ZZZ3: variants seen among roughly 807,000 people sequenced by gnomAD.
ZZZ3 encodes ZZ-type zinc finger-containing protein 3.
A neutral mutation model predicts 95.2 loss-of-function variants in ZZZ3; 22 were observed. The observed-to-expected ratio is 0.23, with a 90% confidence interval of 0.17 to 0.33. The LOEUF (loss-of-function observed/expected upper bound fraction) is 0.33. ZZZ3 is among the 10% of genes least tolerant of loss of function. ZZZ3 has a pLI of 1.00. For synonymous variants in ZZZ3, 335 were observed against 358.9 expected (o/e 0.93, Z 0.75); for missense variants, 885 against 1,066.5 (o/e 0.83, Z 2.37).
intron 5 of ZZZ3, among the ~76,000 whole-genome samples, chr1:77,622,779 G>A (rs1388469451): frequency 6.6e-6 from 1 of 151,984 alleles, no homozygotes; most frequent in Non-Finnish European, 1.5e-5. Flanking sequence ...ACTAAAACAA[G>A]TAGGTAGAAG....
intron 5 of ZZZ3, among the ~76,000 whole-genome samples, chr1:77,599,210 C>T (rs1230149441): frequency 6.6e-6 from 1 of 151,922 alleles, no homozygotes; most frequent in East Asian, 1.9e-4. Flanking sequence ...TTTAAAATCA[C>T]AAGACAAAAT....
At chr1:77,582,982 G>A (rs1662681482) in intron 6 of ZZZ3, among the ~76,000 whole-genome samples, 2 of 152,018 alleles carry the variant, frequency 1.3e-5, no homozygotes, top group African/African-American at 4.8e-5. Flanking sequence ...CAGTGCATTT[G>A]CAGTCCCAGA....
intron 11 of ZZZ3, 104 bp from the exon 12 acceptor site, chr1:77,576,324 TTCACTCTATCCTTTAGCATAC>T (rs1214865894): frequency 5.3e-6 from 5 of 938,440 alleles, no homozygotes; most frequent in Non-Finnish European, 7.8e-6. Flanking sequence ...TCAGAAGAAT[TTCACTCTATCCTTTAGCATAC>T]TCTTATGTTG....
intron 5 of ZZZ3, among the ~76,000 whole-genome samples, chr1:77,618,476 C>CA (rs1277683838): frequency 2.6e-5 from 4 of 151,690 alleles, no homozygotes; most frequent in Admixed American, 2.0e-4. Context: ...AGAAAGTGTG[C>CA]AAAAAACATT....
At chr1:77,654,795 A>C (rs1328860451) in intron 1 of ZZZ3, among the ~76,000 whole-genome samples, 1 of 152,114 alleles carries the variant, frequency 6.6e-6, no homozygotes, top group African/African-American at 2.4e-5. Context: ...AAATTGGGTA[A>C]TTTGTGGAAA....
intron 1 of ZZZ3, among the ~76,000 whole-genome samples, chr1:77,647,187 TG>T (rs1204353384): frequency 1.3e-5 from 2 of 152,166 alleles, no homozygotes; most frequent in Admixed American, 6.5e-5. Flanking sequence ...AAAAAATACA[TG>T]GCAACACATT....
At chr1:77,659,935 C>T (rs556824637) in intron 1 of ZZZ3, among the ~76,000 whole-genome samples, 26 of 152,090 alleles carry the variant, frequency 1.7e-4, no homozygotes, top group African/African-American at 5.1e-4. Context: ...TGGGCTCAAG[C>T]GATACTCCTG....
chr1:77,607,423 A>C lies in ZZZ3; in HGVS notation c.1506-22768T>G, dbSNP rs574490455. On this transcript the variant is annotated intron_variant, in intron 5 of 14. Coordinates refer to ENST00000370801, the MANE Select transcript of ZZZ3 (RefSeq NM_015534.6). ...AGCCAAACCATATCAAACTGTTTTG[A>C]GGAAACTCAGAGAAATTCAAGATAT... 1.2e-4 allele frequency among the ~76,000 whole-genome samples: 19 copies of C among 152,356 alleles called. No individual in the cohort carries two copies. The South Asian group carries it at 3.9e-3, about 32-fold the overall frequency.
chr1:77,590,013 A>C (rs1201225372), intron 5 of ZZZ3, among the ~76,000 whole-genome samples: 1 of 152,222 alleles, frequency 6.6e-6, no homozygotes, highest in African/African-American at 2.4e-5. Flanking sequence ...TTAAAAATCC[A>C]TATCAAGGAC....
chr1:77,671,837 C>T (rs1455737421), intron 1 of ZZZ3, among the ~76,000 whole-genome samples: 3 of 152,150 alleles, frequency 2.0e-5, no homozygotes, highest in African/African-American at 7.2e-5. Flanking sequence ...CCCACATCCA[C>T]AAGCGATACA....
chr1:77,570,970 C>A (rs1393952801), intron 12 of ZZZ3, among the ~76,000 whole-genome samples: 1 of 151,628 alleles, frequency 6.6e-6, no homozygotes, highest in Non-Finnish European at 1.5e-5. Context: ...CGCCTGGCCC[C>A]ACTATCCATT....
At chr1:77,600,641 A>G (rs979596110) in intron 5 of ZZZ3, among the ~76,000 whole-genome samples, 1 of 152,158 alleles carries the variant, frequency 6.6e-6, no homozygotes, top group African/African-American at 2.4e-5. Context: ...AAAGGTAGTA[A>G]AAGGGAAAGG....
chr1:77,587,104 C>T (rs1276874217), intron 5 of ZZZ3, among the ~76,000 whole-genome samples: 1 of 152,060 alleles, frequency 6.6e-6, no homozygotes, highest in Non-Finnish European at 1.5e-5. Context: ...AATTATACCA[C>T]GGAGGAACTA....
At position 77,564,425 on chromosome 1, in the gene ZZZ3, A is replaced by G. The variant is rs1157886368; in HGVS notation, c.*1215T>C. ...AATATGTGAAGCAAACCATTTTAAAAAATACCAATTTCTGGTTTTAACACT... is the reference window on the plus strand; with the variant it reads ...AATATGTGAAGCAAACCATTTTAAAGAATACCAATTTCTGGTTTTAACACT... On this transcript the variant is annotated 3_prime_UTR_variant, in exon 15 of 15. Transcript: ENST00000370801. The G allele has an allele frequency of 1.3e-5, 2 of 152,484 alleles. No individual in the cohort carries two copies. The highest frequency in any genetic ancestry group is 2.9e-5 in the Non-Finnish European group (2 of 68,012). 9.4% of individuals were successfully genotyped at this position (152,484 alleles called of 1,614,324 possible). A position where few individuals can be genotyped will look rare whatever the true frequency, so the allele number is the denominator to read the frequency against.
At chr1:77,636,558 CA>C (rs1476574594) in intron 4 of ZZZ3, among the ~76,000 whole-genome samples, 6 of 151,474 alleles carry the variant, frequency 4.0e-5, no homozygotes, top group African/African-American at 1.5e-4. Flanking sequence ...ACTAAAAATA[CA>C]AAAAATTTAT....
intron 5 of ZZZ3, among the ~76,000 whole-genome samples, chr1:77,618,508 C>T (rs11162370): frequency 0.58 from 87,642 of 151,882 alleles, 27,545 homozygotes; most frequent in Non-Finnish European, 0.71. Flanking sequence ...AAAAACTAGC[C>T]TGTACTGTAC....
intron 1 of ZZZ3, among the ~76,000 whole-genome samples, chr1:77,647,734 G>A (rs756884181): frequency 6.6e-5 from 10 of 152,082 alleles, no homozygotes; most frequent in Non-Finnish European, 4.4e-5. Flanking sequence ...CGGCTCTCAT[G>A]AGCCAGCTCA....
At chr1:77,573,264 C>A (rs1176114155) in intron 12 of ZZZ3, among the ~76,000 whole-genome samples, 1 of 147,634 alleles carries the variant, frequency 6.8e-6, no homozygotes, top group Non-Finnish European at 1.5e-5. Flanking sequence ...AGATTACAGG[C>A]ATGCACCACC....
chr1:77,626,817 A>G (rs1191938907), intron 5 of ZZZ3, among the ~76,000 whole-genome samples: 1 of 152,208 alleles, frequency 6.6e-6, no homozygotes, highest in Non-Finnish European at 1.5e-5. Flanking sequence ...ACCCCAGAGT[A>G]TTCTTTTCAT....
Sources: allele counts gnomAD v4.1 joint callset (sites outside exome capture counted in the v4.1 genomes callset), GRCh38; gene constraint gnomAD v4.1.1; transcripts MANE v1.5; gene names NCBI Gene and HGNC (gene_info 2026-07-23, HGNC 2026-07-21).